MLLT10: variants seen among roughly 807,000 people sequenced by gnomAD.
MLLT10 encodes protein AF-10.
Under a neutral mutation model 129.1 loss-of-function variants are expected in MLLT10, and 30 were observed. The ratio of observed to expected loss-of-function variants is 0.23; its 90% CI spans 0.17 to 0.32. MLLT10 has a LOEUF of 0.32. Ranked by LOEUF, MLLT10 falls within the 10% of genes least tolerant of loss-of-function variation. MLLT10 has a pLI of 1.00. For synonymous variants in MLLT10, 490 were observed against 446.4 expected (o/e 1.10, Z -1.23); for missense variants, 1,119 against 1,268.3 (o/e 0.88, Z 1.79).
chr10:21,737,843 C>T (rs1485412826), intron 21 of MLLT10, among the ~76,000 whole-genome samples: 2 of 152,142 alleles, frequency 1.3e-5, no homozygotes, highest in African/African-American at 2.4e-5. Context: ...CAAAGGCTGA[C>T]ATCCTTTCTA....
intron 3 of MLLT10, among the ~76,000 whole-genome samples, chr10:21,560,587 T>TACC (rs1263634817): frequency 2.2e-4 from 33 of 151,842 alleles, no homozygotes; most frequent in African/African-American, 5.3e-4. Context: ...AGGCACGTAC[T>TACC]ACCACCACCA....
At chr10:21,543,113 G>A (rs915167615) in intron 3 of MLLT10, among the ~76,000 whole-genome samples, 20 of 151,290 alleles carry the variant, frequency 1.3e-4, no homozygotes, top group East Asian at 9.9e-4. Context: ...CACCATGCCC[G>A]GCTAGTTTTT....
chr10:21,559,845 C>T (rs2038576921), intron 3 of MLLT10, among the ~76,000 whole-genome samples: 1 of 152,138 alleles, frequency 6.6e-6, no homozygotes, highest in Admixed American at 6.6e-5. Flanking sequence ...TTTGTTTATC[C>T]ATTCATCTGT....
upstream of MLLT10, chr10:21,534,142 T>TAGGCCGGGGGCAGCCAAC (rs2033319213): frequency 1.7e-5 from 6 of 344,778 alleles, no homozygotes; most frequent in East Asian, 2.5e-4. Context: ...GCCCCGGAGG[T>TAGGCCGGGGGCAGCCAAC]AGGCCGGGGG....
intron 3 of MLLT10, among the ~76,000 whole-genome samples, chr10:21,570,703 A>G (rs1019572475): frequency 6.6e-6 from 1 of 151,908 alleles, no homozygotes; most frequent in African/African-American, 2.4e-5. Context: ...TTTTAAAAAT[A>G]TTTCATATTT....
At chr10:21,610,669 T>C (rs1334073210) in intron 5 of MLLT10, among the ~76,000 whole-genome samples, 1 of 151,354 alleles carries the variant, frequency 6.6e-6, no homozygotes, top group East Asian at 1.9e-4. Context: ...TTTTATGGGA[T>C]GGTTAAGTAA....
chr10:21,545,711 A>G (rs188090776), intron 3 of MLLT10, among the ~76,000 whole-genome samples: 1 of 152,222 alleles, frequency 6.6e-6, no homozygotes, highest in East Asian at 1.9e-4. Flanking sequence ...CTTTTTGCCC[A>G]CGCTGGAATC....
intron 5 of MLLT10, among the ~76,000 whole-genome samples, chr10:21,608,165 T>C (rs955501912): frequency 6.6e-6 from 1 of 151,718 alleles, no homozygotes. Context: ...GTTTTCTCTT[T>C]ATTTTTGGCT....
chr10:21,630,894 G>A (rs1316070111), intron 8 of MLLT10, among the ~76,000 whole-genome samples: 3 of 152,214 alleles, frequency 2.0e-5, no homozygotes, highest in Non-Finnish European at 2.9e-5. Flanking sequence ...TGAGGACTGT[G>A]CGAGTTGTTC....
rs547656579 is a variant in MLLT10, at chr10:21,670,834, T to C, written c.1051+130T>C. On this transcript the variant is annotated intron_variant, in intron 10 of 22. Coordinates refer to ENST00000307729, the MANE Select transcript of MLLT10 (RefSeq NM_001195626.3). ...TCTAGATTATTATATGATTAGTTGCTTTAGTAAGATTACTTTAAAGATAGT... is the reference window on the plus strand; with the variant it reads ...TCTAGATTATTATATGATTAGTTGCCTTAGTAAGATTACTTTAAAGATAGT... The C allele has an allele frequency of 3.9e-6, 4 of 1,025,006 alleles. No individual in the cohort carries two copies. The South Asian group carries it at 8.5e-5, about 22-fold the overall frequency. 63.5% of individuals were successfully genotyped at this position (1,025,006 alleles called of 1,614,324 possible).
intron 5 of MLLT10, among the ~76,000 whole-genome samples, chr10:21,603,303 G>T (rs970083633): frequency 2.6e-5 from 4 of 151,340 alleles, no homozygotes; most frequent in South Asian, 2.1e-4. Flanking sequence ...CTGATATCAG[G>T]TGATTTGCCC....
intron 14 of MLLT10, among the ~76,000 whole-genome samples, chr10:21,723,164 T>A (rs1298058369): frequency 6.6e-6 from 1 of 152,190 alleles, no homozygotes; most frequent in Non-Finnish European, 1.5e-5. Flanking sequence ...AGATACTTTA[T>A]CTTTTTTTGA....
chr10:21,651,744 A>T lies in MLLT10; in HGVS notation c.771A>T (p.Pro257=). 1 of 1,612,394 alleles carries T rather than the reference A, an allele frequency of 6.2e-7. No homozygotes were observed. ...KQPEPSPALV[P]SLTVTTEKTY... ...CAGAACCATCACCTGCATTGGTTCC[A>T]TCCTTGACTGTTACTACAGAAAAAG... The change falls in exon 9 of 23, where the codon CCA becomes CCT. Residue 257 remains proline, a synonymous_variant. Coordinates refer to ENST00000307729, the MANE Select transcript of MLLT10 (RefSeq NM_001195626.3).
intron 10 of MLLT10, among the ~76,000 whole-genome samples, chr10:21,672,331 T>C (rs2051523828): frequency 1.3e-5 from 2 of 151,832 alleles, no homozygotes; most frequent in Non-Finnish European, 2.9e-5. Flanking sequence ...TCAATTAGCT[T>C]TTGCCTCCAC....
At chr10:21,537,517 T>A (rs537236667) in intron 2 of MLLT10, among the ~76,000 whole-genome samples, 1 of 152,030 alleles carries the variant, frequency 6.6e-6, no homozygotes, top group Admixed American at 6.6e-5. Context: ...CAGGCTGGAG[T>A]GCAGTGGCGT....
At chr10:21,701,400 T>A (rs751627850) in intron 13 of MLLT10, among the ~76,000 whole-genome samples, 6 of 151,850 alleles carry the variant, frequency 4.0e-5, no homozygotes, top group Non-Finnish European at 7.4e-5. Flanking sequence ...TTGAGGTGCA[T>A]CATTAGATTG....
At chr10:21,574,915 TGCCA>T (rs1298258587) in intron 3 of MLLT10, among the ~76,000 whole-genome samples, 1 of 152,138 alleles carries the variant, frequency 6.6e-6, no homozygotes, top group African/African-American at 2.4e-5. Flanking sequence ...TTGTATCTTG[TGCCA>T]GCCTCCTATC....
intron 5 of MLLT10, among the ~76,000 whole-genome samples, chr10:21,607,828 T>C (rs2044213475): frequency 6.6e-6 from 1 of 152,182 alleles, no homozygotes; most frequent in African/African-American, 2.4e-5. Context: ...TTGTTTTTCA[T>C]GTAGATTGCA....
At chr10:21,622,153 C>CTTTTTTT (rs71393915) in intron 8 of MLLT10, among the ~76,000 whole-genome samples, 2 of 99,816 alleles carry the variant, frequency 2.0e-5, no homozygotes, top group East Asian at 2.5e-4. Context: ...TTTGTTTTTC[C>CTTTTTTT]TTTTTTTTTT....
Sources: gnomAD v4.1 joint callset for allele counts (sites outside exome capture counted in the v4.1 genomes callset) on GRCh38, gnomAD v4.1.1 for gene constraint, MANE v1.5 for transcripts, NCBI Gene and HGNC (gene_info 2026-07-23, HGNC 2026-07-21) for gene names.